The following PPM1L variants were observed in gnomAD, a reference collection of about 807,000 sequenced individuals.
PPM1L encodes the protein protein phosphatase, Mg2+/Mn2+ dependent 1L.
PPM1L carries 13 observed loss-of-function variants against 31.4 expected under a neutral mutation model. The ratio of observed to expected loss-of-function variants is 0.41; its 90% confidence interval spans 0.27 to 0.66. The LOEUF (loss-of-function observed/expected upper bound fraction) is 0.66, where lower values mean the gene tolerates loss of function less well. Among genes scored for constraint, PPM1L ranks in the 30% least tolerant of loss-of-function variants. The probability of loss-of-function intolerance (pLI) is 0.29; values close to 1 mark genes in which losing one functional copy is unlikely to be tolerated. For missense variants in PPM1L, 326 were observed against 453.7 expected, an observed-to-expected ratio of 0.72 and a Z score of 2.56; for synonymous variants, 184 against 175.4, an observed-to-expected ratio of 1.05 and a Z score of -0.39.
chr3:160,881,779 C>T (rs1240989611), intron 1 of PPM1L, among the ~76,000 whole-genome samples: 1 of 152,158 alleles, frequency 6.6e-6, no homozygotes, highest in East Asian at 1.9e-4. Context: ...CGGCCGGGCG[C>T]GGTGGCTCAC....
chr3:160,836,362 C>T (rs191348465), intron 1 of PPM1L, among the ~76,000 whole-genome samples: 420 of 151,608 alleles, frequency 2.8e-3, no homozygotes, highest in Non-Finnish European at 4.8e-3. Context: ...GAGAGACAGA[C>T]AGGTTAGCAG....
intron 2 of PPM1L, among the ~76,000 whole-genome samples, chr3:161,009,780 G>A (rs1171273237): frequency 1.3e-5 from 2 of 152,074 alleles, no homozygotes; most frequent in Non-Finnish European, 2.9e-5. Context: ...CTCAGGACCA[G>A]CTGTAAGTTA....
intron 2 of PPM1L, among the ~76,000 whole-genome samples, chr3:161,025,792 A>G (rs986615049): frequency 3.3e-5 from 5 of 152,162 alleles, no homozygotes; most frequent in African/African-American, 9.7e-5. Context: ...AACTAAGACG[A>G]TAGGTTAAGC....
intron 2 of PPM1L, among the ~76,000 whole-genome samples, chr3:161,015,974 A>G (rs1039049032): frequency 1.3e-5 from 2 of 152,122 alleles, no homozygotes; most frequent in Non-Finnish European, 2.9e-5. Context: ...GAGAAATCCC[A>G]TGGAAAGGAG....
intron 2 of PPM1L, among the ~76,000 whole-genome samples, chr3:160,973,954 C>A (rs2108026870): frequency 6.7e-6 from 1 of 149,366 alleles, no homozygotes; most frequent in East Asian, 2.0e-4. Flanking sequence ...ATGTGCCATG[C>A]TGGTGCGCTG....
At chr3:160,977,982 G>A (rs7624185) in intron 2 of PPM1L, among the ~76,000 whole-genome samples, 42,162 of 152,054 alleles carry the variant, frequency 0.28, 6,187 homozygotes, top group East Asian at 0.56. Context: ...TTCCTCAAAT[G>A]TAGAGCCTGA....
chr3:160,771,543 CTTT>C lies in PPM1L; in HGVS notation c.399+14861_399+14863del, dbSNP rs745978148. Among the ~76,000 whole-genome samples, 148 of 77,368 alleles carry C rather than the reference CTTT, an allele frequency of 1.9e-3. 1 individual carries two copies. Among genetic ancestry groups the C allele is most frequent in the African/African-American group, 6.1e-3 (132 of 21,588 alleles). 50.8% of individuals were successfully genotyped at this position (77,368 alleles called of 152,430 possible). A position where few individuals can be genotyped will look rare whatever the true frequency, so the allele number is the denominator to read the frequency against. On this transcript the variant is annotated intron_variant, in intron 1 of 3. Transcript: ENST00000498165. ...TAGTCACGAGCCACCAAGGCTGGCT[CTTT>C]TTTTTTTTTTTTTTTTTTTTTTTTA...
At chr3:160,847,204 A>T (rs1336698131) in intron 1 of PPM1L, among the ~76,000 whole-genome samples, 1 of 152,190 alleles carries the variant, frequency 6.6e-6, no homozygotes. Context: ...GTCATGTTTC[A>T]TATTAATGTT....
intron 2 of PPM1L, among the ~76,000 whole-genome samples, chr3:161,037,541 A>T (rs1281643447): frequency 6.7e-6 from 1 of 148,410 alleles, no homozygotes; most frequent in African/African-American, 2.5e-5. Context: ...CAGCCTTCCG[A>T]GTAGCTGGGA....
At chr3:160,901,461 A>T (rs557950395) in intron 1 of PPM1L, among the ~76,000 whole-genome samples, 6 of 152,166 alleles carry the variant, frequency 3.9e-5, no homozygotes, top group African/African-American at 1.4e-4. Flanking sequence ...CTCACACTCT[A>T]AACTCATCTT....
chr3:160,911,337 G>A (rs941533768), intron 1 of PPM1L, among the ~76,000 whole-genome samples: 9 of 152,164 alleles, frequency 5.9e-5, no homozygotes, highest in Non-Finnish European at 5.9e-5. Flanking sequence ...TTGAGGGGTA[G>A]CCAGACAGGT....
intron 2 of PPM1L, among the ~76,000 whole-genome samples, chr3:161,014,136 T>G (rs1320157491): frequency 1.3e-5 from 2 of 152,194 alleles, no homozygotes; most frequent in Non-Finnish European, 2.9e-5. Flanking sequence ...TTTACAATTT[T>G]GCATGTTTTT....
chr3:160,772,729 C>G (rs957263438), intron 1 of PPM1L, among the ~76,000 whole-genome samples: 1 of 152,170 alleles, frequency 6.6e-6, no homozygotes, highest in Admixed American at 6.5e-5. Flanking sequence ...TCCTACCCTT[C>G]TCCTTCATCT....
intron 2 of PPM1L, among the ~76,000 whole-genome samples, chr3:161,008,475 A>G (rs751949594): frequency 6.6e-6 from 1 of 152,230 alleles, no homozygotes; most frequent in Non-Finnish European, 1.5e-5. Context: ...GAAAGCTCCA[A>G]TGTCACATAA....
intron 1 of PPM1L, among the ~76,000 whole-genome samples, chr3:160,861,751 CTA>C (rs1413036363): frequency 2.6e-5 from 4 of 152,148 alleles, no homozygotes; most frequent in Non-Finnish European, 5.9e-5. Context: ...TGTTATGGCA[CTA>C]ACCAAGGTGT....
rs115196773 is a variant in PPM1L at position 160,885,665 on chromosome 3, G to A, written c.400-76071G>A. Among the ~76,000 whole-genome samples the A allele has an allele frequency of 6.8e-3, 1,036 of 152,348 alleles. 9 individuals are homozygous for A. Among genetic ancestry groups the A allele is most frequent in the African/African-American group, 0.023 (971 of 41,584 alleles). On this transcript the variant is annotated intron_variant, in intron 1 of 3. Transcript: ENST00000498165. ...CACAGCCAAGGGAGGCAGTGAGTGA[G>A]CATGCTACCTAGCCGGGGAAACTGA... is the stretch of plus-strand genomic sequence containing the variant.
At chr3:161,001,030 A>G (rs1717463228) in intron 2 of PPM1L, among the ~76,000 whole-genome samples, 1 of 152,226 alleles carries the variant, frequency 6.6e-6, no homozygotes, top group Admixed American at 6.5e-5. Context: ...ATTTAATTTC[A>G]AGAATATAAC....
intron 1 of PPM1L, among the ~76,000 whole-genome samples, chr3:160,864,225 C>T (rs1712006147): frequency 6.6e-6 from 1 of 152,132 alleles, no homozygotes; most frequent in Non-Finnish European, 1.5e-5. Flanking sequence ...CTCTGTCACC[C>T]AGGTTGGATT....
chr3:160,823,583 T>G (rs1204016509), intron 1 of PPM1L, among the ~76,000 whole-genome samples: 2 of 152,146 alleles, frequency 1.3e-5, no homozygotes, highest in African/African-American at 4.8e-5. Flanking sequence ...ATTTTTCATT[T>G]TCCATATTTA....
Sources: gnomAD v4.1 joint callset for allele counts (sites outside exome capture counted in the v4.1 genomes callset) on GRCh38, gnomAD v4.1.1 for gene constraint, MANE v1.5 for transcripts, NCBI Gene and HGNC (gene_info 2026-07-23, HGNC 2026-07-21) for gene names.